Variants in PRKCE observed in about 807,000 individuals in gnomAD.
PRKCE encodes protein kinase C epsilon, also known as protein kinase C epsilon type.
A neutral mutation model predicts 85.4 loss-of-function variants in PRKCE; 16 were observed. The observed-to-expected ratio is 0.19, with a 90% confidence interval of 0.13 to 0.28. The LOEUF is 0.28. PRKCE is among the 10% of genes least tolerant of loss of function. The pLI is 1.00. For synonymous variants in PRKCE, 388 were observed against 371.5 expected (o/e 1.04, Z -0.51); for missense variants, 573 against 975.2 (o/e 0.59, Z 5.49).
At chr2:46,148,863 G>A (rs1676335956) in intron 12 of PRKCE, among the ~76,000 whole-genome samples, 1 of 152,212 alleles carries the variant, frequency 6.6e-6, no homozygotes, top group Non-Finnish European at 1.5e-5. Flanking sequence ...GGGAGGAGTT[G>A]GCATTGGCTT....
At chr2:45,865,815 C>CTTCTTCTTCTTTTT (rs779577778) in intron 2 of PRKCE, among the ~76,000 whole-genome samples, 3 of 133,668 alleles carry the variant, frequency 2.2e-5, no homozygotes, top group African/African-American at 5.6e-5. Flanking sequence ...TCTTCTTCTT[C>CTTCTTCTTCTTTTT]TTTTTTTTTT....
At chr2:46,063,195 T>C (rs1667315395) in intron 10 of PRKCE, among the ~76,000 whole-genome samples, 1 of 152,282 alleles carries the variant, frequency 6.6e-6, no homozygotes, top group South Asian at 2.1e-4. Context: ...GGTTATTATG[T>C]TCCGTTGATC....
intron 11 of PRKCE, among the ~76,000 whole-genome samples, chr2:46,115,652 G>A (rs1223474853): frequency 6.6e-6 from 1 of 152,176 alleles, no homozygotes; most frequent in African/African-American, 2.4e-5. Context: ...ATCAGTGCTT[G>A]CATCAAAGCT....
At chr2:46,099,187 T>C (rs1027576077) in intron 11 of PRKCE, among the ~76,000 whole-genome samples, 9 of 152,242 alleles carry the variant, frequency 5.9e-5, no homozygotes, top group Admixed American at 2.0e-4. Context: ...TCCCCACTCT[T>C]CTGCCACTTA....
intron 2 of PRKCE, among the ~76,000 whole-genome samples, chr2:45,943,278 A>C (rs547584708): frequency 6.6e-6 from 1 of 152,366 alleles, no homozygotes; most frequent in African/African-American, 2.4e-5. Flanking sequence ...ATGATTTCGC[A>C]GTCATCATGT....
chr2:46,029,356 G>C (rs903712262), intron 10 of PRKCE, among the ~76,000 whole-genome samples: 41 of 152,232 alleles, frequency 2.7e-4, no homozygotes, highest in African/African-American at 9.1e-4. Context: ...AAATTTACAT[G>C]GTGGTTTCAT....
chr2:45,791,610 T>C (rs1687036402), intron 1 of PRKCE, among the ~76,000 whole-genome samples: 1 of 152,270 alleles, frequency 6.6e-6, no homozygotes, highest in African/African-American at 2.4e-5. Context: ...AATAGTAGCC[T>C]GAGTGAATAC....
chr2:45,740,620 G>T lies in PRKCE; in HGVS notation c.348+88172G>T, dbSNP rs181112992. Among the ~76,000 whole-genome samples, 340 of 152,262 alleles carry T rather than the reference G, an allele frequency of 2.2e-3. 3 individuals are homozygous for T. Among genetic ancestry groups the T allele is most frequent in the Admixed American group, 6.5e-4 (10 of 15,294 alleles). On this transcript the variant is annotated intron_variant, in intron 1 of 14. Transcript: ENST00000306156. ...ATCTCCCCAGGGGCCTGACTTTTCA[G>T]TCTTTTCCATTCCAGTTTTTGTATT...
intron 1 of PRKCE, among the ~76,000 whole-genome samples, chr2:45,703,852 T>G (rs1348792910): frequency 1.3e-5 from 2 of 152,230 alleles, no homozygotes; most frequent in Non-Finnish European, 2.9e-5. Context: ...AAATTCCTAT[T>G]CTCTCATCCA....
chr2:45,759,133 T>C (rs1383413340), intron 1 of PRKCE, among the ~76,000 whole-genome samples: 1 of 152,194 alleles, frequency 6.6e-6, no homozygotes, highest in Non-Finnish European at 1.5e-5. Flanking sequence ...TGCTGTCCCC[T>C]GCCCCTGCCC....
chr2:45,793,780 A>G (rs1687205656), intron 1 of PRKCE, among the ~76,000 whole-genome samples: 1 of 152,220 alleles, frequency 6.6e-6, no homozygotes, highest in South Asian at 2.1e-4. Flanking sequence ...TGGAACTGGG[A>G]TCCGGGCTAA....
At chr2:45,679,140 C>T (rs1334189257) in intron 1 of PRKCE, among the ~76,000 whole-genome samples, 1 of 152,086 alleles carries the variant, frequency 6.6e-6, no homozygotes, top group African/African-American at 2.4e-5. Context: ...AAAATTTCAT[C>T]CTGAAAGGAT....
chr2:46,043,045 C>G (rs1447701315), intron 10 of PRKCE, among the ~76,000 whole-genome samples: 1 of 151,938 alleles, frequency 6.6e-6, no homozygotes, highest in African/African-American at 2.4e-5. Context: ...CACAAGGCAA[C>G]TTCCCATCCA....
chr2:45,909,680 T>C (rs1697237476), intron 2 of PRKCE, among the ~76,000 whole-genome samples: 1 of 152,222 alleles, frequency 6.6e-6, no homozygotes, highest in African/African-American at 2.4e-5. Context: ...GTGCTTAGTT[T>C]TCCTGGTGAG....
At chr2:46,059,746 T>C (rs1230382955) in intron 10 of PRKCE, among the ~76,000 whole-genome samples, 1 of 152,168 alleles carries the variant, frequency 6.6e-6, no homozygotes, top group African/African-American at 2.4e-5. Flanking sequence ...AAGGCTGTAA[T>C]GAGCTATGAG....
chr2:45,862,983 C>T (rs928606781), intron 2 of PRKCE, among the ~76,000 whole-genome samples: 5 of 152,208 alleles, frequency 3.3e-5, no homozygotes, highest in East Asian at 1.9e-4. Flanking sequence ...TCCCTGGTGT[C>T]TCCACCCCCT....
At chr2:45,984,139 T>G (rs999257062) in intron 5 of PRKCE, among the ~76,000 whole-genome samples, 1 of 152,056 alleles carries the variant, frequency 6.6e-6, no homozygotes. Flanking sequence ...GGTTTCACCA[T>G]GTTGGCCAGG....
chr2:45,993,679 C>G (rs1280891912), intron 6 of PRKCE, among the ~76,000 whole-genome samples: 1 of 152,130 alleles, frequency 6.6e-6, no homozygotes, highest in African/African-American at 2.4e-5. Context: ...TTTTCCGTCA[C>G]TTCACAGAGA....
At chr2:45,705,935 T>G (rs1679076658) in intron 1 of PRKCE, among the ~76,000 whole-genome samples, 1 of 152,202 alleles carries the variant, frequency 6.6e-6, no homozygotes, top group African/African-American at 2.4e-5. Flanking sequence ...TGGGGCCTTT[T>G]GTCAGTTGCT....
Sources: gnomAD v4.1 joint callset for allele counts (sites outside exome capture counted in the v4.1 genomes callset) on GRCh38, gnomAD v4.1.1 for gene constraint, MANE v1.5 for transcripts, NCBI Gene and HGNC (gene_info 2026-07-23, HGNC 2026-07-21) for gene names.